Variants in CTNNBL1 observed in about 807,000 individuals in gnomAD.
CTNNBL1 encodes catenin beta like 1.
A neutral mutation model predicts 72.7 loss-of-function variants in CTNNBL1; 31 were observed. The ratio of observed to expected loss-of-function variants is 0.43; its 90% CI spans 0.32 to 0.58. The LOEUF is 0.58. Ranked by LOEUF, CTNNBL1 falls within the 20% of genes least tolerant of loss-of-function variation. The pLI, the probability that CTNNBL1 is intolerant of heterozygous loss-of-function variation, is 0.08. For synonymous variants in CTNNBL1, 240 were observed against 267.3 expected, an observed-to-expected ratio of 0.90 and a Z score of 1.00; for missense variants, 534 against 725.1, an observed-to-expected ratio of 0.74 and a Z score of 3.03.
At chr20:37,789,354 G>A (rs2073704893) in intron 10 of CTNNBL1, among the ~76,000 whole-genome samples, 1 of 152,208 alleles carries the variant, frequency 6.6e-6, no homozygotes, top group Non-Finnish European at 1.5e-5. Flanking sequence ...ATGGTCTTTG[G>A]TGAGCAGCAG....
At chr20:37,723,278 C>T (rs1353342276) in intron 1 of CTNNBL1, among the ~76,000 whole-genome samples, 1 of 152,200 alleles carries the variant, frequency 6.6e-6, no homozygotes, top group Non-Finnish European at 1.5e-5. Flanking sequence ...TACATCACAT[C>T]CATCTTAGCT....
At chr20:37,843,702 G>C (rs1053140517) in intron 13 of CTNNBL1, among the ~76,000 whole-genome samples, 2 of 152,198 alleles carry the variant, frequency 1.3e-5, no homozygotes, top group Admixed American at 6.5e-5. Context: ...TAACCTGAGG[G>C]AATGAGGGAA....
Position 37,794,321 on chromosome 20 carries a change from T to G in CTNNBL1, c.1032-8546T>G, listed in dbSNP as rs192488851. Among the ~76,000 whole-genome samples the G allele has an allele frequency of 1.8e-3, 281 of 152,124 alleles. 1 individual carries two copies. Among genetic ancestry groups the G allele is most frequent in the Admixed American group, 0.014 (209 of 15,294 alleles). ...AAAAATATTTGCCTTCATCTTTTTC[T>G]TTTCTTTTCTTTTGAGACACAGTCT... On this transcript the variant is annotated intron_variant, in intron 10 of 15. Transcript: ENST00000361383.
At chr20:37,828,832 G>GT (rs1419234769) in intron 11 of CTNNBL1, among the ~76,000 whole-genome samples, 4 of 152,156 alleles carry the variant, frequency 2.6e-5, no homozygotes, top group Non-Finnish European at 5.9e-5. Context: ...GCACACATGC[G>GT]TGACTCTTCT....
intron 13 of CTNNBL1, among the ~76,000 whole-genome samples, chr20:37,851,327 T>A (rs1053314107): frequency 1.3e-5 from 2 of 152,204 alleles, no homozygotes; most frequent in Non-Finnish European, 2.9e-5. Flanking sequence ...CTTTTTTTTT[T>A]TTCTTAGCTG....
intron 11 of CTNNBL1, among the ~76,000 whole-genome samples, chr20:37,805,726 G>A (rs1339097255): frequency 6.6e-6 from 1 of 152,100 alleles, no homozygotes; most frequent in Non-Finnish European, 1.5e-5. Context: ...CTCTTTCTCA[G>A]GGAAGCATGT....
At chr20:37,720,491 A>G (rs1365083855) in intron 1 of CTNNBL1, among the ~76,000 whole-genome samples, 1 of 152,192 alleles carries the variant, frequency 6.6e-6, no homozygotes, top group Non-Finnish European at 1.5e-5. Flanking sequence ...GACAGGATGA[A>G]TTAAATAAAT....
At chr20:37,748,538 C>T (rs2073288778) in intron 4 of CTNNBL1, among the ~76,000 whole-genome samples, 1 of 152,146 alleles carries the variant, frequency 6.6e-6, no homozygotes, top group African/African-American at 2.4e-5. Flanking sequence ...GCTGGTTGCT[C>T]AAGCAGCATC....
rs1442628470 is a variant in CTNNBL1 at position 37,757,543 on chromosome 20, C to T, written c.467-16C>T. ...TACCGTTTCAGTATGTGTGTTATAC[C>T]CTTAACATTTTTCACATGTGTCCAT... On this transcript the variant is annotated splice_polypyrimidine_tract_variant and intron_variant, in intron 4 of 15. Coordinates refer to ENST00000361383, the MANE Select transcript of CTNNBL1 (RefSeq NM_030877.5). The T allele has an allele frequency of 6.3e-7, 1 of 1,586,546 alleles. No individual in the cohort carries two copies. Among genetic ancestry groups the T allele is most frequent in the African/African-American group, 1.3e-5 (1 of 74,292 alleles).
In CTNNBL1 at chr20:37,753,163, C is replaced by A. The variant is rs189539823; in HGVS notation, c.467-4396C>A. Among the ~76,000 whole-genome samples, 4 of 152,226 alleles carry A rather than the reference C, an allele frequency of 2.6e-5. No individual in the cohort carries two copies. The East Asian group carries it at 7.7e-4, about 29-fold the overall frequency. On this transcript the variant is annotated intron_variant, in intron 4 of 15. Transcript: ENST00000361383. ...AGGAGTTGATGATGACAATTACAGACTTATTACTGCCTTGCTGAAATGCTA... is the reference window on the plus strand; with the variant it reads ...AGGAGTTGATGATGACAATTACAGAATTATTACTGCCTTGCTGAAATGCTA...
At chr20:37,811,595 T>A (rs2072012524) in intron 11 of CTNNBL1, among the ~76,000 whole-genome samples, 1 of 152,190 alleles carries the variant, frequency 6.6e-6, no homozygotes, top group Non-Finnish European at 1.5e-5. Flanking sequence ...TTCATCAGGC[T>A]TGAGGGGATG....
At chr20:37,847,232 G>T (rs1043859347) in intron 13 of CTNNBL1, among the ~76,000 whole-genome samples, 1 of 152,134 alleles carries the variant, frequency 6.6e-6, no homozygotes, top group African/African-American at 2.4e-5. Context: ...GAATCAACAG[G>T]ACTGATAGAT....
rs1600468103 is a variant in CTNNBL1 at position 37,757,464 on chromosome 20, A to G, written c.467-95A>G. On this transcript the variant is annotated intron_variant, in intron 4 of 15. Transcript: ENST00000361383. ...TGGAGTCTATTAAAGGTAGATGGTG[A>G]TAAAGCAATTGATGAGGAAACGGAA... is the stretch of plus-strand genomic sequence containing the variant. 4 of 784,988 alleles carry G rather than the reference A, an allele frequency of 5.1e-6. No individual in the cohort carries two copies. In the East Asian group the frequency reaches 1.0e-4, roughly 21 times the overall value. The allele number at this position is 784,988 out of a possible 1,614,324, so 48.6% of individuals were successfully genotyped here.
At chr20:37,833,102 G>T (rs1051582654) in intron 11 of CTNNBL1, among the ~76,000 whole-genome samples, 2 of 152,168 alleles carry the variant, frequency 1.3e-5, no homozygotes, top group Admixed American at 1.3e-4. Flanking sequence ...AGATTCCAGT[G>T]GCCCACAAAG....
At chr20:37,811,842 T>G (rs2072014242) in intron 11 of CTNNBL1, among the ~76,000 whole-genome samples, 3 of 152,264 alleles carry the variant, frequency 2.0e-5, no homozygotes. Flanking sequence ...CAGGTGCACA[T>G]AAAGTACCTT....
intron 11 of CTNNBL1, among the ~76,000 whole-genome samples, chr20:37,822,141 C>T (rs1407897246): frequency 1.3e-5 from 2 of 152,174 alleles, no homozygotes; most frequent in East Asian, 1.9e-4. Flanking sequence ...CCTGTGCCAG[C>T]GTGTGTCTAA....
intron 11 of CTNNBL1, among the ~76,000 whole-genome samples, chr20:37,806,539 C>T (rs2071962306): frequency 6.6e-6 from 1 of 152,180 alleles, no homozygotes; most frequent in African/African-American, 2.4e-5. Context: ...GAGTCATACA[C>T]ATTCAGCAGG....
chr20:37,808,258 G>C (rs2071977645), intron 11 of CTNNBL1, among the ~76,000 whole-genome samples: 1 of 152,224 alleles, frequency 6.6e-6, no homozygotes, highest in African/African-American at 2.4e-5. Context: ...ATATCAGGAA[G>C]CATACGGCTG....
At chr20:37,815,308 GCTC>G (rs1444596950) in intron 11 of CTNNBL1, among the ~76,000 whole-genome samples, 23 of 151,218 alleles carry the variant, frequency 1.5e-4, no homozygotes, top group African/African-American at 4.8e-4. Context: ...GGTGACATTG[GCTC>G]CTCCTTTTTT....
Sources: gnomAD v4.1 joint callset for allele counts (sites outside exome capture counted in the v4.1 genomes callset) on GRCh38, gnomAD v4.1.1 for gene constraint, MANE v1.5 for transcripts, NCBI Gene and HGNC (gene_info 2026-07-23, HGNC 2026-07-21) for gene names.